Variants in IL1RAP observed in about 807,000 individuals in gnomAD.
IL1RAP encodes the protein interleukin 1 receptor accessory protein.
A neutral mutation model predicts 60.7 loss-of-function variants in IL1RAP; 35 were observed. The ratio of observed to expected loss-of-function variants is 0.58; its 90% CI spans 0.44 to 0.76. IL1RAP has a LOEUF of 0.76. IL1RAP is among the 30% of genes least tolerant of loss of function. The pLI is 0.00. For synonymous variants in IL1RAP, 268 were observed against 250.9 expected, an observed-to-expected ratio of 1.07 and a Z score of -0.64; for missense variants, 572 against 693.9, an observed-to-expected ratio of 0.82 and a Z score of 1.97.
intron 3 of IL1RAP, among the ~76,000 whole-genome samples, chr3:190,601,171 G>A (rs574914165): frequency 6.6e-6 from 1 of 152,190 alleles, no homozygotes; most frequent in South Asian, 2.1e-4. Context: ...TTTTAGTAGA[G>A]ATGGAGTTTC....
At chr3:190,621,376 G>A (rs534274933) in intron 6 of IL1RAP, among the ~76,000 whole-genome samples, 30 of 152,270 alleles carry the variant, frequency 2.0e-4, no homozygotes, top group African/African-American at 7.0e-4. Context: ...AATCACTTCT[G>A]TTCTTTTTCT....
At chr3:190,587,695 C>T (rs1195985636) in intron 3 of IL1RAP, among the ~76,000 whole-genome samples, 1 of 152,162 alleles carries the variant, frequency 6.6e-6, no homozygotes, top group Non-Finnish European at 1.5e-5. Context: ...AGATGTTTGT[C>T]AACATGAAGA....
chr3:190,526,128 C>A (rs1389967193), intron 1 of IL1RAP, among the ~76,000 whole-genome samples: 5 of 152,208 alleles, frequency 3.3e-5, no homozygotes, highest in Non-Finnish European at 7.3e-5. Context: ...CTCATACATG[C>A]CTCTTCATAA....
chr3:190,537,084 CTAAG>C (rs1723531173), intron 1 of IL1RAP, among the ~76,000 whole-genome samples: 1 of 152,014 alleles, frequency 6.6e-6, no homozygotes, highest in Non-Finnish European at 1.5e-5. Flanking sequence ...GAACCTCTTA[CTAAG>C]TGAGACTCGT....
At chr3:190,515,549 T>C (rs61678423) in intron 1 of IL1RAP, among the ~76,000 whole-genome samples, 5,020 of 152,216 alleles carry the variant, frequency 0.033, 146 homozygotes, top group East Asian at 0.11. Flanking sequence ...GTTGTCCATA[T>C]GTGATGTGGA....
At chr3:190,654,724 C>G (rs1202823337), downstream of IL1RAP, among the ~76,000 whole-genome samples, 1 of 152,226 alleles carries the variant, frequency 6.6e-6, no homozygotes, top group African/African-American at 2.4e-5. Flanking sequence ...GTTACTGTTT[C>G]GTCCCTGGAC....
chr3:190,649,034 G>A lies in IL1RAP; in HGVS notation c.*329G>A, dbSNP rs1577831371. 9.8e-7 allele frequency: 1 copy of A among 1,018,292 alleles called. No individual in the cohort carries two copies. Among genetic ancestry groups the A allele is most frequent in the Non-Finnish European group, 1.2e-6 (1 of 852,004 alleles). 63.1% of individuals were successfully genotyped at this position (1,018,292 alleles called of 1,614,324 possible). ...TCTTTTTAAAATCTTAACATATGGA[G>A]CAGCCTTTCCTATGAATTTAAATAT... On this transcript the variant is annotated 3_prime_UTR_variant, in exon 12 of 12. Transcript: ENST00000447382.
At chr3:190,585,587 G>A (rs908636897) in intron 3 of IL1RAP, among the ~76,000 whole-genome samples, 1 of 152,086 alleles carries the variant, frequency 6.6e-6, no homozygotes, top group Non-Finnish European at 1.5e-5. Context: ...CGAGGCGGGT[G>A]GATTGCCTGA....
At chr3:190,541,590 G>C (rs1184791658) in intron 1 of IL1RAP, among the ~76,000 whole-genome samples, 1 of 152,088 alleles carries the variant, frequency 6.6e-6, no homozygotes, top group Non-Finnish European at 1.5e-5. Flanking sequence ...AATCTGATTT[G>C]ACAATTCATT....
intron 5 of IL1RAP, among the ~76,000 whole-genome samples, chr3:190,613,716 C>T (rs950436805): frequency 6.6e-6 from 1 of 152,038 alleles, no homozygotes; most frequent in African/African-American, 2.4e-5. Flanking sequence ...ACCTGTAGTC[C>T]CAGCTACTCC....
chr3:190,515,233 C>CTTTTT (rs34578850), intron 1 of IL1RAP, among the ~76,000 whole-genome samples: 3 of 144,800 alleles, frequency 2.1e-5, no homozygotes, highest in Admixed American at 6.8e-5. Flanking sequence ...TTCTTTCTTC[C>CTTTTT]TTTTTTTTTT....
At position 190,650,158 on chromosome 3, in the gene IL1RAP, GT is replaced by G. The variant is rs1362983639; in HGVS notation, c.*1458del. The G allele has an allele frequency of 3.4e-5, 33 of 984,468 alleles. No homozygotes were observed. Among genetic ancestry groups the G allele is most frequent in the Non-Finnish European group, 3.9e-5 (32 of 829,326 alleles). 61.0% of individuals were successfully genotyped at this position (984,468 alleles called of 1,614,324 possible). Reference sequence around the variant, plus strand: ...TAAAAACCACTGGAACTCTTGTCCAGTTTTTAAATTATGTTTTTACTGGAAT... The same window carrying G: ...TAAAAACCACTGGAACTCTTGTCCAGTTTTAAATTATGTTTTTACTGGAAT... On this transcript the variant is annotated 3_prime_UTR_variant, in exon 12 of 12. Coordinates refer to ENST00000447382, the MANE Select transcript of IL1RAP (RefSeq NM_002182.4).
Position 190,648,827 on chromosome 3 carries a change from A to T in IL1RAP, c.*122A>T. Reference sequence around the variant, plus strand: ...TAATGGTCTAAGCCTCCCAATAGGGATAAATTTAGGGTGACTGTGTGGCTG... The same window carrying T: ...TAATGGTCTAAGCCTCCCAATAGGGTTAAATTTAGGGTGACTGTGTGGCTG... On this transcript the variant is annotated 3_prime_UTR_variant, in exon 12 of 12. Coordinates refer to ENST00000447382, the MANE Select transcript of IL1RAP (RefSeq NM_002182.4). 1 of 1,448,734 alleles carries T rather than the reference A, an allele frequency of 6.9e-7. No homozygotes were observed. The highest frequency in any genetic ancestry group is 9.1e-7 in the Non-Finnish European group (1 of 1,101,232). 89.7% of individuals were successfully genotyped at this position (1,448,734 alleles called of 1,614,324 possible).
At chr3:190,618,337 C>T (rs772118843) in intron 5 of IL1RAP, among the ~76,000 whole-genome samples, 8 of 152,248 alleles carry the variant, frequency 5.3e-5, no homozygotes, top group South Asian at 2.1e-4. Context: ...AAGGATCAGA[C>T]GAGACAGAGT....
At position 190,651,410 on chromosome 3, in the gene IL1RAP, A is replaced by C. The variant is rs918265407; in HGVS notation, c.*2705A>C. On this transcript the variant is annotated 3_prime_UTR_variant, in exon 12 of 12. Transcript: ENST00000447382. The stretch of plus-strand genomic sequence containing the variant: ...TCTTTCCATAGGTTTTAATATTTTG[A>C]GAGTGTCTTTTTTATTTCATTCATG... 2.2e-5 allele frequency: 16 copies of C among 711,606 alleles called. No homozygotes were observed. Among genetic ancestry groups the C allele is most frequent in the Non-Finnish European group, 2.4e-5 (14 of 580,362 alleles). The allele number at this position is 711,606 out of a possible 1,614,324, so 44.1% of individuals were successfully genotyped here.
intron 1 of IL1RAP, among the ~76,000 whole-genome samples, chr3:190,544,214 A>G (rs1230220364): frequency 1.3e-5 from 2 of 152,148 alleles, no homozygotes; most frequent in Non-Finnish European, 2.9e-5. Context: ...TCCTTTTATC[A>G]TTGGAAAAAT....
At chr3:190,610,652 T>C (rs1378173074) in intron 5 of IL1RAP, among the ~76,000 whole-genome samples, 1 of 152,082 alleles carries the variant, frequency 6.6e-6, no homozygotes, top group Non-Finnish European at 1.5e-5. Flanking sequence ...AACATAAAAA[T>C]AACAAAAGCT....
At chr3:190,651,736 G>A (rs969545430), downstream of IL1RAP, among the ~76,000 whole-genome samples, 3 of 152,006 alleles carry the variant, frequency 2.0e-5, no homozygotes, top group Non-Finnish European at 4.4e-5. Flanking sequence ...AATTGTTCCA[G>A]AATACTAGGA....
At chr3:190,542,442 G>T (rs1332610807) in intron 1 of IL1RAP, among the ~76,000 whole-genome samples, 1 of 152,156 alleles carries the variant, frequency 6.6e-6, no homozygotes, top group Non-Finnish European at 1.5e-5. Context: ...GTGTGAATAT[G>T]AAGTAAAATA....
Sources: allele counts gnomAD v4.1 joint callset (sites outside exome capture counted in the v4.1 genomes callset), GRCh38; gene constraint gnomAD v4.1.1; transcripts MANE v1.5; gene names NCBI Gene and HGNC (gene_info 2026-07-23, HGNC 2026-07-21).